The following KIF21B variants were observed in gnomAD, a reference collection of about 807,000 sequenced individuals.
The protein encoded by KIF21B is kinesin-like protein KIF21B.
KIF21B carries 85 observed loss-of-function variants against 192.9 expected under a neutral mutation model. The observed-to-expected ratio is 0.44, with a 90% confidence interval of 0.37 to 0.53. The LOEUF (loss-of-function observed/expected upper bound fraction) is 0.53, where lower values mean the gene tolerates loss of function less well. Ranked by LOEUF, KIF21B falls within the 20% of genes least tolerant of loss-of-function variation. The probability of loss-of-function intolerance (pLI) is 0.00; values close to 1 mark genes in which losing one functional copy is unlikely to be tolerated. For synonymous variants in KIF21B, 832 were observed against 884.6 expected, an observed-to-expected ratio of 0.94 and a Z score of 1.05; for missense variants, 1,716 against 2,194.8, an observed-to-expected ratio of 0.78 and a Z score of 4.36.
rs557488450 is a variant in KIF21B at position 201,014,364 on chromosome 1, A to T, written c.42-4876T>A. ...CTGCGAGCCTGGAGCACAGAGCTGC[A>T]GGAAGAGCTGAGCTCAGCGGATCCT... On this transcript the variant is annotated intron_variant, in intron 1 of 34. Transcript: ENST00000461742. Among the ~76,000 whole-genome samples the T allele has an allele frequency of 1.7e-4, 26 of 152,342 alleles. No homozygotes were observed. The East Asian group carries it at 5.0e-3, about 29-fold the overall frequency.
At position 200,975,220 on chromosome 1, in the gene KIF21B, G is replaced by C. The variant is rs1269911896; in HGVS notation, c.4614+279C>G. Among the ~76,000 whole-genome samples the C allele has an allele frequency of 1.3e-5, 2 of 152,222 alleles. No homozygotes were observed. Among genetic ancestry groups the C allele is most frequent in the African/African-American group, 4.8e-5 (2 of 41,448 alleles). On this transcript the variant is annotated intron_variant, in intron 33 of 34. Transcript: ENST00000461742. This position sits in a 1 kb window ranked among gnomAD's most constrained non-coding sequence, Gnocchi z 4.3. ...ACAAATGCTCCCAGGAAAGGAATTG[G>C]GTAACTGAGCTTCACATGCAAACCC...
chr1:200,986,890 A>C lies in KIF21B; in HGVS notation c.3643T>G (p.Ser1215Ala). The change falls in exon 26 of 35, where the codon TCC (serine) becomes GCC (alanine). Residue 1215 changes from serine to alanine, a missense_variant. By Grantham distance (99) the Ser-to-Ala change is moderately conservative. Around this residue, in one of 3 missense-constraint regions of KIF21B, gnomAD observed 580 missense variants for 775.5 expected, o/e 0.75. Coordinates refer to ENST00000461742, the MANE Select transcript of KIF21B (RefSeq NM_001252102.2). Reference protein sequence around the residue: ...FPRQSRATETSPLTRRKSYDR... With the variant: ...FPRQSRATETAPLTRRKSYDR... The stretch of plus-strand genomic sequence containing the variant: ...TAGGACTTCCTTCTCGTCAGCGGGG[A>C]CGTCTCTGTGGCTCGAGATTGCCTA... The C allele has an allele frequency of 1.2e-6, 2 of 1,613,780 alleles. No homozygotes were observed. The highest frequency in any genetic ancestry group is 1.7e-6 in the Non-Finnish European group (2 of 1,179,890).
intron 3 of KIF21B, 77 bp downstream of exon 3, chr1:201,008,692 A>C: frequency 2.2e-6 from 3 of 1,344,244 alleles, no homozygotes; most frequent in Middle Eastern, 4.9e-4. Context: ...ATTCCACTGC[A>C]CTGGAGGAAG....
In KIF21B at chr1:200,982,715, G is replaced by A. The variant is rs1236638908; in HGVS notation, c.3842+341C>T. 6.6e-6 allele frequency among the ~76,000 whole-genome samples: 1 copy of A among 152,186 alleles called. No homozygotes were observed. Among genetic ancestry groups the A allele is most frequent in the Non-Finnish European group, 1.5e-5 (1 of 68,018 alleles). On this transcript the variant is annotated intron_variant, in intron 28 of 34. Coordinates refer to ENST00000461742, the MANE Select transcript of KIF21B (RefSeq NM_001252102.2). This position sits in a 1 kb window ranked among gnomAD's most constrained non-coding sequence, Gnocchi z 4.7. ...AGCATTTCCCCTGCCTTCCAGTCGT[G>A]GAGAACTCAGCCCCAGCCCAGCATC... is the stretch of plus-strand genomic sequence containing the variant.
chr1:201,019,400 CTG>C (rs1658690339), intron 1 of KIF21B, among the ~76,000 whole-genome samples: 1 of 152,180 alleles, frequency 6.6e-6, no homozygotes, highest in Non-Finnish European at 1.5e-5. Flanking sequence ...GTGGGTAAAA[CTG>C]AGGCCCACAA....
chr1:200,989,802 G>A, intron 21 of KIF21B, 140 bp downstream of exon 21: 1 of 631,640 alleles, frequency 1.6e-6, no homozygotes. Flanking sequence ...TGGCATGGGA[G>A]GTGCAGAGGT....
rs1657284665 is a variant in KIF21B at position 200,999,092 on chromosome 1, C to T, written c.1885+257G>A. 1.3e-5 allele frequency among the ~76,000 whole-genome samples: 2 copies of T among 152,136 alleles called. No homozygotes were observed. The highest frequency in any genetic ancestry group is 1.3e-4 in the Admixed American group (2 of 15,276). ...TGGTGATATAGGGAAGCTCACCACC[C>T]CTATGCATACAGTTGCAGTGAAGAC... On this transcript the variant is annotated intron_variant, in intron 13 of 34. Transcript: ENST00000461742. This position sits in a 1 kb window ranked among gnomAD's most constrained non-coding sequence, Gnocchi z 4.7.
intron 1 of KIF21B, among the ~76,000 whole-genome samples, chr1:201,010,483 G>A (rs1658168918): frequency 6.6e-6 from 1 of 152,088 alleles, no homozygotes; most frequent in African/African-American, 2.4e-5. Flanking sequence ...TGGTTCCCAT[G>A]GCAACCAAGC....
chr1:201,005,722 A>G, intron 3 of KIF21B, 28 bp from the exon 4 acceptor site: 2 of 1,608,296 alleles, frequency 1.2e-6, no homozygotes, highest in Non-Finnish European at 1.7e-6. Flanking sequence ...AGCTGAATTC[A>G]TAGGGCATTC....
rs296563 is a variant in KIF21B at position 200,975,712 on chromosome 1, T to G, written c.4444-43A>C. ...AGTAGGGAGAGGCCAAGTGGGAGGA[T>G]GGAAGGCAGGGCCTACAGCACTGTG... On this transcript the variant is annotated intron_variant, in intron 32 of 34. Coordinates refer to ENST00000461742, the MANE Select transcript of KIF21B (RefSeq NM_001252102.2). This position sits in a 1 kb window ranked among gnomAD's most constrained non-coding sequence, Gnocchi z 4.3. The G allele has an allele frequency of 0.71, 1,104,328 of 1,558,678 alleles. 392,766 individuals are homozygous for G. Among genetic ancestry groups the G allele is most frequent in the Admixed American group, 0.81 (45,562 of 56,498 alleles).
At position 200,973,541 on chromosome 1, in the gene KIF21B, G is replaced by A. The variant is rs1476653427; in HGVS notation, c.4852C>T (p.Pro1618Ser). The A allele has an allele frequency of 2.7e-6, 4 of 1,488,602 alleles. No homozygotes were observed. The Admixed American group carries it at 7.9e-5, about 29-fold the overall frequency. The allele number at this position is 1,488,602 out of a possible 1,614,324, so 92.2% of individuals were successfully genotyped here. A position where few individuals can be genotyped will look rare whatever the true frequency, so the allele number is the denominator to read the frequency against. The change falls in exon 35 of 35, where the codon CCC becomes TCC. Residue 1618 changes from proline to serine, a missense_variant. Pro to Ser is a moderately conservative substitution (Grantham distance 74). Coordinates refer to ENST00000461742, the MANE Select transcript of KIF21B (RefSeq NM_001252102.2). ...CACTCCTAGGGTGGGCCGCTGTGGG[G>A]TAACCGCCGGACACTCCAGAACTTC... ...TVKFWSVRRL[P>S]HSGPP is the part of the protein sequence containing the mutation.
rs1223303968 is a variant in KIF21B at position 200,971,369 on chromosome 1, T to C, written c.*2152A>G. 2 of 152,686 alleles carry C rather than the reference T, an allele frequency of 1.3e-5. No individual in the cohort carries two copies. The highest frequency in any genetic ancestry group is 6.5e-5 in the Admixed American group (1 of 15,288). The allele number at this position is 152,686 out of a possible 1,614,324, so 9.5% of individuals were successfully genotyped here. A position where few individuals can be genotyped will look rare whatever the true frequency, so the allele number is the denominator to read the frequency against. On this transcript the variant is annotated 3_prime_UTR_variant, in exon 35 of 35. Transcript: ENST00000461742. ...ATGATGAGCACCTCTCGCAGGGCCA[T>C]AAGATCACACTTCGTGCAAGAACAC...
rs901457173 is a variant in KIF21B at position 201,005,172 on chromosome 1, A to T, written c.732+136T>A. On this transcript the variant is annotated intron_variant, in intron 5 of 34. Transcript: ENST00000461742. Reference sequence around the variant, plus strand: ...ACAAATTGGGCAACAAGGCTCAAGAAAAATATAAAAATCAACAAATGGCAG... The same window carrying T: ...ACAAATTGGGCAACAAGGCTCAAGATAAATATAAAAATCAACAAATGGCAG... 44 of 1,306,396 alleles carry T rather than the reference A, an allele frequency of 3.4e-5. No individual in the cohort carries two copies. In the African/African-American group the frequency reaches 3.8e-4, roughly 11 times the overall value. The allele number at this position is 1,306,396 out of a possible 1,614,324, so 80.9% of individuals were successfully genotyped here. A position where few individuals can be genotyped will look rare whatever the true frequency, so the allele number is the denominator to read the frequency against.
chr1:200,988,878 C>T lies in KIF21B; in HGVS notation c.3186G>A (p.Leu1062=). Residue 1062 remains leucine (L), a synonymous_variant, in exon 22 of 35, where the codon CTG becomes CTA. Coordinates refer to ENST00000461742, the MANE Select transcript of KIF21B (RefSeq NM_001252102.2). The stretch of plus-strand genomic sequence containing the variant: ...AGGAGCCTGCCATATCCGTCTGCCT[C>T]AGTCGGCCCTCCAACAGCCGGATCT... The part of the protein sequence containing the change: ...EAQIRLLEGR[L]RQTDMAGSSQ... 6.2e-7 allele frequency: 1 copy of T among 1,613,100 alleles called. No individual in the cohort carries two copies. Among genetic ancestry groups the T allele is most frequent in the Non-Finnish European group, 8.5e-7 (1 of 1,179,604 alleles).
chr1:200,978,445 C>A (rs1655709152), intron 30 of KIF21B, among the ~76,000 whole-genome samples: 1 of 151,916 alleles, frequency 6.6e-6, no homozygotes, highest in South Asian at 2.1e-4. Context: ...TCTCACATGC[C>A]CCTGCTCCCA....
In KIF21B at chr1:201,011,527, G is replaced by A. The variant is rs907340014; in HGVS notation, c.42-2039C>T. On this transcript the variant is annotated intron_variant, in intron 1 of 34. Transcript: ENST00000461742. Reference sequence around the variant, plus strand: ...GTCTCTAAAGACCAGGGTTCAGAGTGCCAGGGGGAAAGAACATCTCATATA... The same window carrying A: ...GTCTCTAAAGACCAGGGTTCAGAGTACCAGGGGGAAAGAACATCTCATATA... Among the ~76,000 whole-genome samples the A allele has an allele frequency of 5.3e-5, 8 of 152,238 alleles. No homozygotes were observed. The South Asian group carries it at 8.3e-4, about 16-fold the overall frequency.
chr1:201,019,157 A>C (rs1658676303), intron 1 of KIF21B, among the ~76,000 whole-genome samples: 1 of 151,392 alleles, frequency 6.6e-6, no homozygotes, highest in Non-Finnish European at 1.5e-5. Context: ...CTGGTCTTGA[A>C]CTCCTGACCT....
chr1:200,969,654 T>C lies in KIF21B; in HGVS notation c.*3867A>G, dbSNP rs2102355331. The C allele has an allele frequency of 6.5e-6, 1 of 152,710 alleles. No homozygotes were observed. The highest frequency in any genetic ancestry group is 2.1e-4 in the South Asian group (1 of 4,828). 9.5% of individuals were successfully genotyped at this position (152,710 alleles called of 1,614,324 possible). A position where few individuals can be genotyped will look rare whatever the true frequency, so the allele number is the denominator to read the frequency against. On this transcript the variant is annotated 3_prime_UTR_variant, in exon 35 of 35. Transcript: ENST00000461742. The stretch of plus-strand genomic sequence containing the variant: ...CCTGATTCATCTCAGGGGTCTTCTC[T>C]GATCCTCGGCTCTTTGTGGAGGAGT...
At chr1:200,978,356 C>A (rs905235801) in intron 30 of KIF21B, among the ~76,000 whole-genome samples, 1 of 147,012 alleles carries the variant, frequency 6.8e-6, no homozygotes, top group African/African-American at 2.5e-5. Context: ...GCCTTGTTTA[C>A]TTTTTTTTTT....
Sources: allele counts gnomAD v4.1 joint callset (sites outside exome capture counted in the v4.1 genomes callset), GRCh38; gene constraint gnomAD v4.1.1; regional missense constraint gnomAD v4.1.1; non-coding constraint Gnocchi (gnomAD v3.1); transcripts MANE v1.5; gene names NCBI Gene and HGNC (gene_info 2026-07-23, HGNC 2026-07-21).